DROSHA: variants seen among roughly 807,000 people sequenced by gnomAD.
DROSHA encodes drosha ribonuclease III, also known as ribonuclease 3.
A neutral mutation model predicts 181.9 loss-of-function variants in DROSHA; 56 were observed. That is an observed-to-expected ratio of 0.31 (90% CI 0.25 to 0.38). The LOEUF (loss-of-function observed/expected upper bound fraction) is 0.38. Ranked by LOEUF, DROSHA falls within the 10% of genes least tolerant of loss-of-function variation. The probability of loss-of-function intolerance (pLI) is 1.00; values close to 1 mark genes in which losing one functional copy is unlikely to be tolerated. For synonymous variants in DROSHA, 524 were observed against 591.2 expected (o/e 0.89, Z 1.65); for missense variants, 1,218 against 1,743.5 (o/e 0.70, Z 5.37).
intron 30 of DROSHA, among the ~76,000 whole-genome samples, chr5:31,413,675 C>T (rs1009518239): frequency 1.3e-5 from 2 of 152,160 alleles, no homozygotes; most frequent in Non-Finnish European, 2.9e-5. Context: ...ACGTGCAGAC[C>T]GGCTGTTGCA....
At chr5:31,443,300 G>T (rs1368920520) in intron 23 of DROSHA, among the ~76,000 whole-genome samples, 1 of 151,824 alleles carries the variant, frequency 6.6e-6, no homozygotes. Context: ...TTACAGGTGT[G>T]AGCCACCACA....
At chr5:31,522,980 A>T (rs769559929) in intron 5 of DROSHA, among the ~76,000 whole-genome samples, 24 of 152,256 alleles carry the variant, frequency 1.6e-4, no homozygotes, top group Non-Finnish European at 1.0e-4. Flanking sequence ...AGAGAAAAAT[A>T]GGGAACACAG....
chr5:31,515,751 G>C (rs552605311), intron 6 of DROSHA, among the ~76,000 whole-genome samples, 187 bp from the exon 7 acceptor site: 91 of 152,328 alleles, frequency 6.0e-4, no homozygotes, highest in African/African-American at 2.1e-3. Context: ...TAATCCGAGA[G>C]TGAACCACTT....
Position 31,470,675 on chromosome 5 carries a change from T to C in DROSHA, c.2241+1388A>G, listed in dbSNP as rs1050607480. Among the ~76,000 whole-genome samples, 1 of 152,094 alleles carries C rather than the reference T, an allele frequency of 6.6e-6. No homozygotes were observed. The highest frequency in any genetic ancestry group is 1.5e-5 in the Non-Finnish European group (1 of 68,016). The stretch of plus-strand genomic sequence containing the variant: ...GCCTCACTGCCTGGAGTATATAAGG[T>C]AGCTATATCCTTAAGCCAGGGTATC... On this transcript the variant is annotated intron_variant, in intron 17 of 35. Transcript: ENST00000344624. The surrounding 1 kb of genome is among the most constrained non-coding windows in gnomAD (Gnocchi z 4.0).
intron 11 of DROSHA, among the ~76,000 whole-genome samples, chr5:31,499,423 A>T (rs1346894072): frequency 6.6e-6 from 1 of 152,152 alleles, no homozygotes; most frequent in Non-Finnish European, 1.5e-5. Context: ...GCCTCTCAAC[A>T]AGCAATGAAG....
At chr5:31,446,800 G>A (rs1480402392) in intron 23 of DROSHA, among the ~76,000 whole-genome samples, 1 of 152,146 alleles carries the variant, frequency 6.6e-6, no homozygotes, top group Non-Finnish European at 1.5e-5. Flanking sequence ...AGCACTTTGG[G>A]AGCCCAAGGC....
At chr5:31,405,772 T>A (rs956878349) in intron 34 of DROSHA, 49 bp from the exon 35 acceptor site, 10 of 975,522 alleles carry the variant, frequency 1.0e-5, no homozygotes, top group Admixed American at 4.5e-5. Context: ...AGATTCTTTT[T>A]TTTTTTTTTT....
chr5:31,439,338 C>T (rs904586425), intron 23 of DROSHA, among the ~76,000 whole-genome samples: 2 of 152,216 alleles, frequency 1.3e-5, no homozygotes, highest in Non-Finnish European at 2.9e-5. Context: ...TATCTCTATG[C>T]TGTCACTTAG....
chr5:31,412,068 C>A (rs1161368659), intron 30 of DROSHA, among the ~76,000 whole-genome samples: 2 of 152,216 alleles, frequency 1.3e-5, no homozygotes, highest in African/African-American at 4.8e-5. Flanking sequence ...TAACACTATA[C>A]ACTGCATGAA....
chr5:31,513,929 T>G (rs1275981037), intron 8 of DROSHA, among the ~76,000 whole-genome samples: 1 of 151,786 alleles, frequency 6.6e-6, no homozygotes, highest in Non-Finnish European at 1.5e-5. Context: ...AGCAAAAAGG[T>G]GACAGTGACA....
intron 14 of DROSHA, 83 bp downstream of exon 14, chr5:31,486,408 G>T: frequency 7.1e-7 from 1 of 1,410,100 alleles, no homozygotes; most frequent in Non-Finnish European, 9.8e-7. Flanking sequence ...GCCAGATCTG[G>T]CCAAGTTCAA....
Position 31,422,129 on chromosome 5 carries a change from T to C in DROSHA, c.3419+658A>G, listed in dbSNP as rs185386512. On this transcript the variant is annotated intron_variant, in intron 29 of 35. Coordinates refer to ENST00000344624, the MANE Select transcript of DROSHA (RefSeq NM_001382508.1). ...AGAAAGAAAGAAAAAGAAAAAGAAA[T>C]AACATACTCCATTATTCAAAGCTGG... Among the ~76,000 whole-genome samples the C allele has an allele frequency of 3.8e-3, 555 of 147,902 alleles. 10 individuals are homozygous for C. The highest frequency in any genetic ancestry group is 1.5e-3 in the Non-Finnish European group (102 of 67,086).
chr5:31,454,948 A>G (rs915691875), intron 20 of DROSHA, among the ~76,000 whole-genome samples: 1 of 151,620 alleles, frequency 6.6e-6, no homozygotes, highest in African/African-American at 2.4e-5. Context: ...TCAAAAAAAA[A>G]AAAAAAAAAA....
At chr5:31,490,725 T>C (rs1476205041) in intron 13 of DROSHA, among the ~76,000 whole-genome samples, 2 of 152,234 alleles carry the variant, frequency 1.3e-5, no homozygotes, top group African/African-American at 4.8e-5. Flanking sequence ...AGGAATCAGA[T>C]TGGTAAAGCA....
chr5:31,405,298 C>T (rs1395001985), intron 35 of DROSHA, among the ~76,000 whole-genome samples: 2 of 150,958 alleles, frequency 1.3e-5, no homozygotes, highest in African/African-American at 2.4e-5. Context: ...ACACCTGGAC[C>T]GGGGAGGCAG....
chr5:31,508,843 A>C, intron 9 of DROSHA, 68 bp from the exon 10 acceptor site: 1 of 884,222 alleles, frequency 1.1e-6, no homozygotes, highest in Non-Finnish European at 1.7e-6. Context: ...TTTTTCCCTG[A>C]GTTGGAGTCT....
chr5:31,402,878 G>T (rs1740190988), intron 35 of DROSHA, among the ~76,000 whole-genome samples: 1 of 152,208 alleles, frequency 6.6e-6, no homozygotes, highest in Non-Finnish European at 1.5e-5. Flanking sequence ...CCACCTCCCA[G>T]GTTCAAGCAA....
chr5:31,405,387 AAAG>A (rs887721718), intron 35 of DROSHA, among the ~76,000 whole-genome samples: 5 of 151,848 alleles, frequency 3.3e-5, no homozygotes, highest in Admixed American at 6.6e-5. Context: ...AAAAAAAAAA[AAAG>A]AAAGAAAACA....
intron 30 of DROSHA, among the ~76,000 whole-genome samples, chr5:31,417,677 G>T (rs1166780053): frequency 6.6e-6 from 1 of 152,204 alleles, no homozygotes; most frequent in Non-Finnish European, 1.5e-5. Flanking sequence ...TTACGGAGCA[G>T]AAGTTGACAG....
Sources: gnomAD v4.1 joint callset for allele counts (sites outside exome capture counted in the v4.1 genomes callset) on GRCh38, gnomAD v4.1.1 for gene constraint, Gnocchi (gnomAD v3.1) non-coding constraint, MANE v1.5 for transcripts, NCBI Gene and HGNC (gene_info 2026-07-23, HGNC 2026-07-21) for gene names.